The following CDHR2 variants were observed in gnomAD, a reference collection of about 807,000 sequenced individuals.
CDHR2 encodes the protein cadherin related family member 2, also known as cadherin-related family member 2.
CDHR2 carries 104 observed loss-of-function variants against 138.6 expected under a neutral mutation model. That is an observed-to-expected ratio of 0.75 (90% confidence interval 0.64 to 0.88). CDHR2 has a LOEUF of 0.88. Among genes scored for constraint, CDHR2 ranks in the 40% least tolerant of loss-of-function variants. CDHR2 has a pLI of 0.00. For synonymous variants in CDHR2, 755 were observed against 742.8 expected (o/e 1.02, Z -0.27); for missense variants, 1,624 against 1,727.6 (o/e 0.94, Z 1.06).
At chr5:176,542,829 G>C (rs1028101027) in intron 1 of CDHR2, 2 of 152,348 alleles carry the variant, frequency 1.3e-5, no homozygotes, top group African/African-American at 4.8e-5. Context: ...CTCCAGGGCA[G>C]GGCTTAGGCC....
Position 176,584,849 on chromosome 5 carries a change from C to T in CDHR2, c.2568C>T (p.Val856=), listed in dbSNP as rs35794631. Residue 856 remains valine, a synonymous_variant, in exon 19 of 32, where the codon GTC becomes GTT. Transcript: ENST00000261944. ...LVNILCTKAG[V]DVGSLCWGWF... is the part of the protein sequence containing the mutation. ...ACATTCTCTGCACCAAGGCCGGGGT[C>T]GATGTGGGCAGCCTATGCTGGGGCT... The T allele has an allele frequency of 1.3e-3, 2,045 of 1,614,066 alleles. 20 individuals are homozygous for T. The African/African-American group carries it at 0.025, about 19-fold the overall frequency.
At chr5:176,546,504 C>A (rs138099136), upstream of CDHR2, among the ~76,000 whole-genome samples, 721 of 152,118 alleles carry the variant, frequency 4.7e-3, 8 homozygotes, top group African/African-American at 0.017. Flanking sequence ...AGGTAGGCAT[C>A]ATGTATTACC....
At chr5:176,559,395 C>T (rs1314831678) in intron 1 of CDHR2, among the ~76,000 whole-genome samples, 4 of 152,194 alleles carry the variant, frequency 2.6e-5, no homozygotes, top group Non-Finnish European at 5.9e-5. Flanking sequence ...TTTTTCTCTG[C>T]AGAGGATTTC....
intron 31 of CDHR2, among the ~76,000 whole-genome samples, chr5:176,593,203 G>A (rs1366227784): frequency 6.6e-6 from 1 of 152,168 alleles, no homozygotes; most frequent in East Asian, 1.9e-4. Context: ...GAGAGAAGAT[G>A]GGTTCAAATA....
chr5:176,594,271 G>A lies in CDHR2; in HGVS notation c.3793-1261G>A, dbSNP rs192685543. ...AGGCTCCACCCTGTCTCCTGCAGCA[G>A]TGAGTCTTGCGGGTCTCTGGGCAGG... On this transcript the variant is annotated intron_variant, in intron 31 of 31. Transcript: ENST00000261944. Among the ~76,000 whole-genome samples, 409 of 152,340 alleles carry A rather than the reference G, an allele frequency of 2.7e-3. 1 individual carries two copies. The highest frequency in any genetic ancestry group is 5.4e-3 in the Admixed American group (82 of 15,300).
At chr5:176,593,131 T>A (rs1458154742) in intron 31 of CDHR2, among the ~76,000 whole-genome samples, 1 of 152,152 alleles carries the variant, frequency 6.6e-6, no homozygotes, top group African/African-American at 2.4e-5. Flanking sequence ...ATGGCCGTTA[T>A]AGGAAAGCCA....
intron 1 of CDHR2, chr5:176,556,882 A>T (rs1372763795): frequency 6.6e-6 from 1 of 151,808 alleles, no homozygotes; most frequent in Non-Finnish European, 1.5e-5. Flanking sequence ...CACACCCCAC[A>T]TCCCCAGTAT....
chr5:176,589,470 G>A (rs200816718), intron 23 of CDHR2, 32 bp downstream of exon 23: 79 of 1,610,110 alleles, frequency 4.9e-5, no homozygotes, highest in East Asian at 1.3e-4. Flanking sequence ...AGCCCCCAAC[G>A]CCCTCTGCCA....
Position 176,576,145 on chromosome 5 carries a change from C to T in CDHR2, c.1154C>T (p.Pro385Leu), listed in dbSNP as rs757549133. 5 of 1,613,882 alleles carry T rather than the reference C, an allele frequency of 3.1e-6. No individual in the cohort carries two copies. ...YVDEHASPRIPIDDLTMVVYD... is the reference protein window; with the variant it reads ...YVDEHASPRILIDDLTMVVYD... ...GACGAGCATGCCTCCCCCCGCATCC[C>T]CATCGATGACCTCACCATGGTGGTC... Residue 385 changes from proline to leucine, a missense_variant, in exon 12 of 32, where the codon CCC (proline) becomes CTC (leucine). Around this residue, in one of 3 missense-constraint regions of CDHR2, gnomAD observed 1,061 missense variants for 1,136.6 expected, o/e 0.93. Coordinates refer to ENST00000261944, the MANE Select transcript of CDHR2 (RefSeq NM_017675.6). The surrounding 1 kb of genome is among the most constrained non-coding windows in gnomAD (Gnocchi z 4.5).
chr5:176,580,162 A>ACACACACT lies in CDHR2; in HGVS notation c.1819-1178_1819-1177insACACTCAC, dbSNP rs1374097064. Among the ~76,000 whole-genome samples, 131 of 149,046 alleles carry ACACACACT rather than the reference A, an allele frequency of 8.8e-4. 1 individual carries two copies. The highest frequency in any genetic ancestry group is 1.6e-3 in the East Asian group (8 of 5,156). Reference sequence around the variant, plus strand: ...CACACGCACTCACACACACACTCACACACGCACTCACACACACTCACACAC... The same window carrying ACACACACT: ...CACACGCACTCACACACACACTCACACACACACTCACGCACTCACACACACTCACACAC... On this transcript the variant is annotated intron_variant, in intron 16 of 31. Transcript: ENST00000261944.
In CDHR2 at chr5:176,591,358, G is replaced by T. The variant is rs200632744; in HGVS notation, c.3653+35G>T. 1.6e-5 allele frequency: 25 copies of T among 1,610,962 alleles called. No homozygotes were observed. The Admixed American group carries it at 3.2e-4, about 20-fold the overall frequency. On this transcript the variant is annotated intron_variant, in intron 29 of 31. Transcript: ENST00000261944. ...GGTCAAAGGGTAGGTAAGAGGCCTG[G>T]TGGGGTGGCTGAGGGCCAGGCAACT...
chr5:176,574,545 G>A lies in CDHR2; in HGVS notation c.495+373G>A, dbSNP rs912095970. ...ACTGTATAGTCGCCCCTTGGTATCC[G>A]TGGGGACTTGGCTCCAGGATCCCTG... On this transcript the variant is annotated intron_variant, in intron 7 of 31. Coordinates refer to ENST00000261944, the MANE Select transcript of CDHR2 (RefSeq NM_017675.6). 7.9e-5 allele frequency among the ~76,000 whole-genome samples: 12 copies of A among 152,284 alleles called. 1 individual carries two copies. Among genetic ancestry groups the A allele is most frequent in the Middle Eastern group, 6.8e-3 (2 of 294 alleles).
Position 176,576,503 on chromosome 5 carries a change from T to C in CDHR2, c.1194+318T>C, listed in dbSNP as rs528806239. ...CTCCTGGCATTGGGCGGCCATGATT[T>C]GGGTAGTCCTGGGAACTGGGGGAGG... is the stretch of plus-strand genomic sequence containing the variant. On this transcript the variant is annotated intron_variant, in intron 12 of 31. Coordinates refer to ENST00000261944, the MANE Select transcript of CDHR2 (RefSeq NM_017675.6). The surrounding 1 kb of genome is among the most constrained non-coding windows in gnomAD (Gnocchi z 4.5). 1.3e-5 allele frequency among the ~76,000 whole-genome samples: 2 copies of C among 151,704 alleles called. No individual in the cohort carries two copies. The highest frequency in any genetic ancestry group is 3.9e-4 in the East Asian group (2 of 5,156).
At chr5:176,581,715 A>G (rs1758539275) in intron 17 of CDHR2, 133 bp downstream of exon 17, 7 of 1,193,296 alleles carry the variant, frequency 5.9e-6, no homozygotes, top group East Asian at 2.4e-5. Flanking sequence ...GTATGGCCCC[A>G]GGCAATTACT....
At chr5:176,577,213 A>C (rs1758404023) in intron 12 of CDHR2, among the ~76,000 whole-genome samples, 186 bp from the exon 13 acceptor site, 1 of 152,102 alleles carries the variant, frequency 6.6e-6, no homozygotes, top group South Asian at 2.1e-4. Context: ...TCTTCTACAG[A>C]GCCTGCATTT....
At chr5:176,592,542 AGGTGAT>A (rs1299780799) in intron 30 of CDHR2, among the ~76,000 whole-genome samples, 175 bp from the exon 31 acceptor site, 4 of 136,420 alleles carry the variant, frequency 2.9e-5, no homozygotes, top group African/African-American at 1.1e-4. Flanking sequence ...GTTGGTGTTG[AGGTGAT>A]GGTGATGGTG....
chr5:176,568,102 C>T (rs537952916), intron 3 of CDHR2, among the ~76,000 whole-genome samples: 2 of 152,228 alleles, frequency 1.3e-5, no homozygotes, highest in South Asian at 2.1e-4. Flanking sequence ...GTGGAGGTGT[C>T]GGAGCAGAGG....
intron 1 of CDHR2, among the ~76,000 whole-genome samples, chr5:176,559,689 C>A (rs1757922277): frequency 7.3e-6 from 1 of 136,072 alleles, no homozygotes; most frequent in South Asian, 2.6e-4. Flanking sequence ...ATTCTGATTC[C>A]TCCATTAAAT....
chr5:176,569,564 G>A (rs553341958), intron 5 of CDHR2, among the ~76,000 whole-genome samples: 12 of 152,048 alleles, frequency 7.9e-5, no homozygotes, highest in Admixed American at 6.6e-4. Flanking sequence ...TTACAGGCGT[G>A]AGCCACCACG....
Sources: allele counts gnomAD v4.1 joint callset (sites outside exome capture counted in the v4.1 genomes callset), GRCh38; gene constraint gnomAD v4.1.1; regional missense constraint gnomAD v4.1.1; non-coding constraint Gnocchi (gnomAD v3.1); transcripts MANE v1.5; gene names NCBI Gene and HGNC (gene_info 2026-07-23, HGNC 2026-07-21).